The following CPXM2 variants were observed in gnomAD, a reference collection of about 807,000 sequenced individuals.
The protein encoded by CPXM2 is inactive carboxypeptidase-like protein X2.
Under a neutral mutation model 86.1 loss-of-function variants are expected in CPXM2, and 66 were observed. The ratio of observed to expected loss-of-function variants is 0.77; its 90% confidence interval spans 0.63 to 0.94. The LOEUF (loss-of-function observed/expected upper bound fraction) is 0.94. Ranked by LOEUF, CPXM2 falls within the 40% of genes least tolerant of loss-of-function variation. CPXM2 has a pLI of 0.00. For synonymous variants in CPXM2, 388 were observed against 400.2 expected (o/e 0.97, Z 0.36); for missense variants, 948 against 1,026.3 (o/e 0.92, Z 1.04).
chr10:123,943,373 T>C (rs1417060519), upstream of CPXM2, among the ~76,000 whole-genome samples: 1 of 152,156 alleles, frequency 6.6e-6, no homozygotes, highest in African/African-American at 2.4e-5. Flanking sequence ...AGTTGCAAAA[T>C]GTATGGACAC....
At chr10:123,909,024 G>C (rs1273040580) in intron 2 of CPXM2, among the ~76,000 whole-genome samples, 2 of 152,208 alleles carry the variant, frequency 1.3e-5, no homozygotes, top group Non-Finnish European at 2.9e-5. Context: ...TGAATACTTT[G>C]TAATAACCTA....
chr10:123,792,077 C>T (rs980184396), intron 6 of CPXM2, among the ~76,000 whole-genome samples: 19 of 152,234 alleles, frequency 1.2e-4, no homozygotes, highest in African/African-American at 4.1e-4. Flanking sequence ...GGAAAAGTAG[C>T]GATTTAGCAC....
intron 6 of CPXM2, 50 bp from the exon 7 acceptor site, chr10:123,780,305 A>G: frequency 1.8e-6 from 2 of 1,127,560 alleles, no homozygotes; most frequent in Non-Finnish European, 2.7e-6. Flanking sequence ...TCTATCTCCC[A>G]TGGCACCTCT....
At position 123,928,277 on chromosome 10, in the gene CPXM2, T is replaced by C. The variant is rs78187807; in HGVS notation, n.174+11200A>G. On this transcript the variant is annotated intron_variant and non_coding_transcript_variant, in intron 2 of 19. Transcript: ENST00000368854. The stretch of plus-strand genomic sequence containing the variant: ...TGGTTCCAAACCTCTCCAAAAACTC[T>C]TCAAAGACAGCCAGAGTGGATGGTC... Among the ~76,000 whole-genome samples, 461 of 152,314 alleles carry C rather than the reference T, an allele frequency of 3.0e-3. 5 individuals are homozygous for C. The highest frequency in any genetic ancestry group is 9.9e-3 in the African/African-American group (412 of 41,562).
intron 11 of CPXM2, 71 bp downstream of exon 11, chr10:123,761,801 G>C (rs1187268290): frequency 8.2e-6 from 12 of 1,461,216 alleles, no homozygotes; most frequent in Non-Finnish European, 1.0e-5. Context: ...GTGACACCAG[G>C]AGGGCCAGGA....
chr10:123,811,252 A>G (rs575987695), intron 4 of CPXM2, among the ~76,000 whole-genome samples: 1 of 151,950 alleles, frequency 6.6e-6, no homozygotes, highest in African/African-American at 2.4e-5. Flanking sequence ...GCACCCATTA[A>G]CTCGTCATTT....
intron 2 of CPXM2, among the ~76,000 whole-genome samples, chr10:123,926,919 C>T (rs1378322033): frequency 6.6e-6 from 1 of 152,238 alleles, no homozygotes; most frequent in Non-Finnish European, 1.5e-5. Context: ...CCCGAGAGTT[C>T]CAGCCAAATG....
intron 4 of CPXM2, among the ~76,000 whole-genome samples, chr10:123,805,509 G>A (rs1020456841): frequency 6.6e-5 from 10 of 152,076 alleles, no homozygotes; most frequent in Admixed American, 5.9e-4. Context: ...ATATTTTCCA[G>A]TTACTTTTTT....
At chr10:123,907,682 G>A (rs890101233) in intron 2 of CPXM2, among the ~76,000 whole-genome samples, 1 of 129,758 alleles carries the variant, frequency 7.7e-6, no homozygotes, top group African/African-American at 2.7e-5. Context: ...CAGAAACATA[G>A]ATGCCCCCCC....
chr10:123,866,242 C>A (rs1848976950), intron 2 of CPXM2, among the ~76,000 whole-genome samples: 1 of 152,134 alleles, frequency 6.6e-6, no homozygotes, highest in South Asian at 2.1e-4. Context: ...ACCGTCTATG[C>A]CACTCAGCGT....
At chr10:123,829,938 G>A (rs1848128930) in intron 4 of CPXM2, among the ~76,000 whole-genome samples, 1 of 139,284 alleles carries the variant, frequency 7.2e-6, no homozygotes, top group Admixed American at 7.0e-5. Flanking sequence ...GGGATTTCCT[G>A]GAAGCCATTT....
chr10:123,814,616 G>A (rs1847774640), intron 4 of CPXM2, among the ~76,000 whole-genome samples: 2 of 151,328 alleles, frequency 1.3e-5, no homozygotes, highest in Non-Finnish European at 2.9e-5. Flanking sequence ...TCTTTCATTG[G>A]TTTGGGGGTT....
At chr10:123,830,872 C>CTCTGTGTGTG (rs1258897184) in intron 4 of CPXM2, among the ~76,000 whole-genome samples, 41 of 142,798 alleles carry the variant, frequency 2.9e-4, no homozygotes, top group African/African-American at 9.5e-4. Context: ...CTCTCTCTCT[C>CTCTGTGTGTG]TGTGTGTGTG....
At chr10:123,813,184 T>C (rs1284924870) in intron 4 of CPXM2, among the ~76,000 whole-genome samples, 1 of 152,220 alleles carries the variant, frequency 6.6e-6, no homozygotes, top group African/African-American at 2.4e-5. Context: ...TTTCTTTAGG[T>C]ATAATTTCTT....
intron 11 of CPXM2, among the ~76,000 whole-genome samples, chr10:123,761,265 G>A (rs1020441894): frequency 6.6e-6 from 1 of 152,156 alleles, no homozygotes; most frequent in South Asian, 2.1e-4. Flanking sequence ...GGGCCGTCCC[G>A]CTGGCCGCTG....
chr10:123,915,842 T>A (rs1945530331), intron 2 of CPXM2, among the ~76,000 whole-genome samples: 1 of 152,122 alleles, frequency 6.6e-6, no homozygotes, highest in South Asian at 2.1e-4. Flanking sequence ...CTGGTCCTGG[T>A]TGCTCAGGAA....
chr10:123,926,277 C>G (rs929329280), intron 2 of CPXM2, among the ~76,000 whole-genome samples: 12 of 152,238 alleles, frequency 7.9e-5, no homozygotes, highest in Admixed American at 5.2e-4. Context: ...TGCTCTTCTT[C>G]CTCTGCTAGC....
chr10:123,854,548 A>G (rs189167616), intron 3 of CPXM2, among the ~76,000 whole-genome samples: 17 of 149,980 alleles, frequency 1.1e-4, no homozygotes, highest in African/African-American at 3.4e-4. Context: ...GCTACTAAGT[A>G]CAGACCTGAG....
chr10:123,750,878 T>C, intron 13 of CPXM2: 1 of 985,444 alleles, frequency 1.0e-6, no homozygotes, highest in Non-Finnish European at 1.2e-6. Flanking sequence ...TCCCCATGTC[T>C]TCCTTGAGGC....
Sources: gnomAD v4.1 joint callset for allele counts (sites outside exome capture counted in the v4.1 genomes callset) on GRCh38, gnomAD v4.1.1 for gene constraint, MANE v1.5 for transcripts, NCBI Gene and HGNC (gene_info 2026-07-23, HGNC 2026-07-21) for gene names.